RNF216: variants seen among roughly 807,000 people sequenced by gnomAD.
RNF216 encodes E3 ubiquitin-protein ligase RNF216.
Under a neutral mutation model 110.8 loss-of-function variants are expected in RNF216, and 72 were observed. That is an observed-to-expected ratio of 0.65 (90% CI 0.54 to 0.79). The LOEUF (loss-of-function observed/expected upper bound fraction) is 0.79. RNF216 is among the 30% of genes least tolerant of loss of function. The pLI, the probability that RNF216 is intolerant of heterozygous loss-of-function variation, is 0.00. For synonymous variants in RNF216, 495 were observed against 407.5 expected, an observed-to-expected ratio of 1.21 and a Z score of -2.59; for missense variants, 1,342 against 1,141.2, an observed-to-expected ratio of 1.18 and a Z score of -2.54.
At chr7:5,629,374 A>G (rs1381696534) in intron 15 of RNF216, among the ~76,000 whole-genome samples, 4 of 151,882 alleles carry the variant, frequency 2.6e-5, no homozygotes, top group Non-Finnish European at 5.9e-5. Flanking sequence ...CTGAGGTGGG[A>G]GGATCACTAG....
chr7:5,660,265 CTTTTTTTTTTTTTTTTTTTTTTTTT>C (rs66617363), intron 13 of RNF216, among the ~76,000 whole-genome samples: 539 of 33,636 alleles, frequency 0.016, 1 homozygote, highest in Middle Eastern at 0.024. Flanking sequence ...GTTTTAAATT[CTTTTTTTTTTTTTTTTTTTTTTTTT>C]TTTTTTTTTT....
chr7:5,771,660 G>A lies in RNF216; in HGVS notation c.-70+9881C>T, dbSNP rs149335251. On this transcript the variant is annotated intron_variant, in intron 1 of 16. Coordinates refer to ENST00000389902, the MANE Select transcript of RNF216 (RefSeq NM_207111.4). Reference sequence around the variant, plus strand: ...AAAAAGCAAAAAAATTTAGCCAGGCGCAGTAGCGGGCACCTAGTCCCAGCT... The same window carrying A: ...AAAAAGCAAAAAAATTTAGCCAGGCACAGTAGCGGGCACCTAGTCCCAGCT... Among the ~76,000 whole-genome samples, 332 of 152,120 alleles carry A rather than the reference G, an allele frequency of 2.2e-3. 1 individual carries two copies. The highest frequency in any genetic ancestry group is 4.1e-3 in the South Asian group (20 of 4,822).
At chr7:5,737,541 AAT>A (rs1299042253) in intron 5 of RNF216, among the ~76,000 whole-genome samples, 46 of 144,716 alleles carry the variant, frequency 3.2e-4, no homozygotes, top group African/African-American at 1.0e-3. Context: ...TAATAATAAT[AAT>A]AATAAATAAA....
intron 16 of RNF216, 116 bp from the exon 17 acceptor site, chr7:5,623,295 G>C: frequency 1.3e-5 from 11 of 874,796 alleles, no homozygotes; most frequent in Non-Finnish European, 1.7e-5. Context: ...GCTGATCAAA[G>C]CACAAAACGT....
chr7:5,755,942 C>T (rs75064103), intron 2 of RNF216, among the ~76,000 whole-genome samples: 1 of 150,162 alleles, frequency 6.7e-6, no homozygotes. Context: ...CTTATGGGAA[C>T]ACAATCATGC....
chr7:5,633,724 G>A (rs1374277328), intron 15 of RNF216, among the ~76,000 whole-genome samples: 1 of 152,222 alleles, frequency 6.6e-6, no homozygotes, highest in African/African-American at 2.4e-5. Flanking sequence ...CTGGCTTGCT[G>A]CCTGCTGCAT....
chr7:5,725,968 G>C (rs1162026749), intron 7 of RNF216, among the ~76,000 whole-genome samples: 2 of 152,098 alleles, frequency 1.3e-5, no homozygotes, highest in South Asian at 2.1e-4. Context: ...ACAGATTAAA[G>C]AGTAACTAGG....
chr7:5,773,217 A>G (rs970468279), intron 1 of RNF216, among the ~76,000 whole-genome samples: 18 of 151,896 alleles, frequency 1.2e-4, no homozygotes, highest in African/African-American at 4.1e-4. Context: ...AACTGCATCT[A>G]ATCAAGTCCT....
chr7:5,754,283 G>A (rs1795497740), intron 2 of RNF216, among the ~76,000 whole-genome samples: 1 of 151,790 alleles, frequency 6.6e-6, no homozygotes, highest in Admixed American at 6.6e-5. Flanking sequence ...AGCTTCCCAA[G>A]TAGCTAGGAC....
chr7:5,660,721 G>T (rs1375238988), intron 13 of RNF216, among the ~76,000 whole-genome samples: 1 of 151,962 alleles, frequency 6.6e-6, no homozygotes, highest in Non-Finnish European at 1.5e-5. Flanking sequence ...GGGACCACAG[G>T]TGTGCACCAC....
chr7:5,674,308 G>C (rs545538276), intron 13 of RNF216, among the ~76,000 whole-genome samples: 1 of 152,014 alleles, frequency 6.6e-6, no homozygotes, highest in East Asian at 1.9e-4. Flanking sequence ...GATTACAAGC[G>C]TAAGCCACTG....
At chr7:5,675,108 A>G (rs1207217161) in intron 13 of RNF216, among the ~76,000 whole-genome samples, 1 of 152,216 alleles carries the variant, frequency 6.6e-6, no homozygotes, top group Non-Finnish European at 1.5e-5. Context: ...CACAATTTAA[A>G]AGGTGAATTT....
intron 1 of RNF216, among the ~76,000 whole-genome samples, chr7:5,779,469 G>C (rs1301522048): frequency 1.3e-5 from 2 of 151,976 alleles, no homozygotes; most frequent in African/African-American, 4.8e-5. Flanking sequence ...CCATGTATTA[G>C]CCTTCTTCCT....
chr7:5,744,003 T>G (rs377568301), intron 3 of RNF216, among the ~76,000 whole-genome samples: 3 of 152,110 alleles, frequency 2.0e-5, no homozygotes, highest in Non-Finnish European at 4.4e-5. Flanking sequence ...CAAAAATAAC[T>G]AGGCATACAA....
At chr7:5,660,353 G>C (rs969994046) in intron 13 of RNF216, among the ~76,000 whole-genome samples, 1 of 121,534 alleles carries the variant, frequency 8.2e-6, no homozygotes, top group Middle Eastern at 5.1e-3. Context: ...GTGCAGTGGC[G>C]CAATCTCGGC....
chr7:5,742,290 G>A (rs979717573), intron 3 of RNF216, among the ~76,000 whole-genome samples: 5 of 151,938 alleles, frequency 3.3e-5, no homozygotes, highest in African/African-American at 7.3e-5. Context: ...CAAGTGATCC[G>A]CCTCCCTCAG....
intron 13 of RNF216, among the ~76,000 whole-genome samples, chr7:5,691,744 G>A (rs755637912): frequency 3.3e-5 from 5 of 152,170 alleles, no homozygotes; most frequent in Admixed American, 1.3e-4. Context: ...TCTAGACACC[G>A]GAGAGTTACT....
chr7:5,688,995 A>G (rs959587019), intron 13 of RNF216, among the ~76,000 whole-genome samples: 4 of 152,186 alleles, frequency 2.6e-5, no homozygotes, highest in Admixed American at 2.0e-4. Context: ...TTTTTCTTCA[A>G]GTGGATCTGA....
rs890837301 is a variant in RNF216 at position 5,729,686 on chromosome 7, G to C, written c.1225-90C>G. On this transcript the variant is annotated intron_variant, in intron 6 of 16. Coordinates refer to ENST00000389902, the MANE Select transcript of RNF216 (RefSeq NM_207111.4). ...TTTTAAGAATTACATGTGTAGAAAA[G>C]AATAACATTTGTTCTAATTACTCTA... 5 of 1,108,662 alleles carry C rather than the reference G, an allele frequency of 4.5e-6. No individual in the cohort carries two copies. In the African/African-American group the frequency reaches 8.0e-5, roughly 18 times the overall value. The allele number at this position is 1,108,662 out of a possible 1,614,324, so 68.7% of individuals were successfully genotyped here.
Sources: gnomAD v4.1 joint callset for allele counts (sites outside exome capture counted in the v4.1 genomes callset) on GRCh38, gnomAD v4.1.1 for gene constraint, MANE v1.5 for transcripts, NCBI Gene and HGNC (gene_info 2026-07-23, HGNC 2026-07-21) for gene names.